ADGRE5: variants seen among roughly 807,000 people sequenced by gnomAD.
ADGRE5 encodes the protein adhesion G protein-coupled receptor E5.
ADGRE5 carries 72 observed loss-of-function variants against 100.3 expected under a neutral mutation model. The observed-to-expected ratio is 0.72, with a 90% CI of 0.59 to 0.87. The LOEUF (loss-of-function observed/expected upper bound fraction) is 0.87. Among genes scored for constraint, ADGRE5 ranks in the 40% least tolerant of loss-of-function variants. The pLI, the probability that ADGRE5 is intolerant of heterozygous loss-of-function variation, is 0.00. For synonymous variants in ADGRE5, 439 were observed against 447.8 expected, an observed-to-expected ratio of 0.98 and a Z score of 0.25; for missense variants, 959 against 1,094.7, an observed-to-expected ratio of 0.88 and a Z score of 1.75.
At chr19:14,388,658 T>G (rs1441670653) in intron 2 of ADGRE5, 44 bp from the exon 3 acceptor site, 2 of 1,608,700 alleles carry the variant, frequency 1.2e-6, no homozygotes, top group East Asian at 4.5e-5. Flanking sequence ...TTTTTGTGTA[T>G]TCCCTTACCC....
In ADGRE5 at chr19:14,397,896, T is replaced by G; in HGVS notation, c.780T>G (p.Thr260=). 1 of 1,143,410 alleles carries G rather than the reference T, an allele frequency of 8.7e-7. No homozygotes were observed. The highest frequency in any genetic ancestry group is 1.2e-6 in the Non-Finnish European group (1 of 825,832). The allele number at this position is 1,143,410 out of a possible 1,614,324, so 70.8% of individuals were successfully genotyped here. A position where few individuals can be genotyped will look rare whatever the true frequency, so the allele number is the denominator to read the frequency against. Residue 260 remains threonine, a synonymous_variant, in exon 8 of 20, where the codon ACT becomes ACG. Coordinates refer to ENST00000242786, the MANE Select transcript of ADGRE5 (RefSeq NM_078481.4). ...TTGTCTTGTTCCCTACAGATATGAC[T>G]TTCTCCACCTGGACCCCGCCCCCTG... ...NQKDTVCEDM[T]FSTWTPPPGV... is the part of the protein sequence containing the mutation.
chr19:14,407,268 C>CCCA, intron 18 of ADGRE5, 39 bp downstream of exon 18: 2 of 1,610,168 alleles, frequency 1.2e-6, no homozygotes. Flanking sequence ...CTGTCATCCT[C>CCCA]CCACCTATTT....
intron 17 of ADGRE5, 29 bp from the exon 18 acceptor site, chr19:14,407,032 G>C (rs1305583107): frequency 1.9e-6 from 3 of 1,613,806 alleles, no homozygotes; most frequent in Non-Finnish European, 2.5e-6. Flanking sequence ...GTGAGGTGGG[G>C]GCCCACGCTG....
At chr19:14,389,216 A>G (rs1599613302) in intron 3 of ADGRE5, among the ~76,000 whole-genome samples, 1 of 25,454 alleles carries the variant, frequency 3.9e-5, no homozygotes, top group East Asian at 1.0e-3. Context: ...AGGGGGAGGG[A>G]GAAGGGGAGG....
rs1975150254 is a variant in ADGRE5 at position 14,381,461 on chromosome 19, G to A, written c.-63G>A. 1.2e-6 allele frequency: 2 copies of A among 1,602,940 alleles called. No homozygotes were observed. The highest frequency in any genetic ancestry group is 1.4e-5 in the African/African-American group (1 of 73,304). ...CAGCCTGCACAGCTGCCTAGCCTGT[G>A]GAGACGGGACAGCCCTGTCCCACTC... On this transcript the variant is annotated 5_prime_UTR_variant, in exon 1 of 20. Coordinates refer to ENST00000242786, the MANE Select transcript of ADGRE5 (RefSeq NM_078481.4).
intron 1 of ADGRE5, among the ~76,000 whole-genome samples, chr19:14,383,789 G>A (rs1975241688): frequency 6.6e-6 from 1 of 151,954 alleles, no homozygotes; most frequent in African/African-American, 2.4e-5. Context: ...TAGCCTCACG[G>A]TGGGAGTAGA....
Position 14,408,144 on chromosome 19 carries a change from C to T in ADGRE5, c.*23C>T, listed in dbSNP as rs761796125. 12 of 1,611,854 alleles carry T rather than the reference C, an allele frequency of 7.4e-6. No individual in the cohort carries two copies. The East Asian group carries it at 2.5e-4, about 33-fold the overall frequency. On this transcript the variant is annotated 3_prime_UTR_variant, in exon 20 of 20. Transcript: ENST00000242786. The stretch of plus-strand genomic sequence containing the variant: ...TGAAGGCGCATGGTTCTGGACGGCC[C>T]AGCAGCTCCTGTGGCCACAGCAGCT...
At position 14,406,692 on chromosome 19, in the gene ADGRE5, C is replaced by A. The variant is rs532725050; in HGVS notation, c.2049-8C>A. The A allele has an allele frequency of 5.0e-6, 8 of 1,613,962 alleles. No homozygotes were observed. The highest frequency in any genetic ancestry group is 6.8e-6 in the Non-Finnish European group (8 of 1,179,984). ...GGGCACTGATGGGACCCCTCCCTTC[C>A]CTCCTAGCTGCTGGTTGGACTTTGA... On this transcript the variant is annotated splice_polypyrimidine_tract_variant and splice_region_variant and intron_variant, in intron 15 of 19. Coordinates refer to ENST00000242786, the MANE Select transcript of ADGRE5 (RefSeq NM_078481.4). The surrounding 1 kb of genome is among the most constrained non-coding windows in gnomAD (Gnocchi z 6.0).
chr19:14,398,371 TAAG>T (rs1975866289), intron 9 of ADGRE5: 2 of 550,290 alleles, frequency 3.6e-6, no homozygotes, highest in Non-Finnish European at 6.5e-6. Context: ...GTGCAGCACT[TAAG>T]AACCTGGAGT....
intron 1 of ADGRE5, among the ~76,000 whole-genome samples, chr19:14,385,512 C>T (rs1019103829): frequency 2.6e-5 from 4 of 152,166 alleles, no homozygotes; most frequent in African/African-American, 4.8e-5. Context: ...CCCTGGTGAC[C>T]TGAGGAGGGT....
At chr19:14,398,261 A>C in intron 9 of ADGRE5, 122 bp downstream of exon 9, 1 of 805,582 alleles carries the variant, frequency 1.2e-6, no homozygotes, top group Non-Finnish European at 2.1e-6. Context: ...ACATGCGCAT[A>C]ACATACACAC....
intron 3 of ADGRE5, among the ~76,000 whole-genome samples, chr19:14,389,498 C>T (rs185359507): frequency 2.7e-5 from 4 of 150,080 alleles, no homozygotes; most frequent in South Asian, 2.1e-4. Flanking sequence ...TTCAGGAGGC[C>T]GAGGTGGACA....
At chr19:14,407,280 G>A (rs1224164549) in intron 18 of ADGRE5, 51 bp downstream of exon 18, 1 of 1,597,034 alleles carries the variant, frequency 6.3e-7, no homozygotes, top group Non-Finnish European at 8.6e-7. Context: ...CACCTATTTG[G>A]GAGGCTGAGG....
At chr19:14,407,445 T>C (rs1976309572) in intron 18 of ADGRE5, among the ~76,000 whole-genome samples, 1 of 152,046 alleles carries the variant, frequency 6.6e-6, no homozygotes, top group African/African-American at 2.4e-5. Context: ...AGGTCAGTAA[T>C]TCAAGACCAG....
intron 4 of ADGRE5, among the ~76,000 whole-genome samples, chr19:14,393,989 C>G (rs1392226886): frequency 3.3e-5 from 5 of 152,184 alleles, no homozygotes; most frequent in African/African-American, 1.2e-4. Flanking sequence ...GAGCAACCTG[C>G]ACAGCTGTAC....
intron 1 of ADGRE5, among the ~76,000 whole-genome samples, chr19:14,386,763 C>G (rs1272686828): frequency 6.7e-6 from 1 of 149,906 alleles, no homozygotes; most frequent in Non-Finnish European, 1.5e-5. Flanking sequence ...CCTGTAATCC[C>G]AGCACTTTTG....
chr19:14,403,019 T>G (rs1176284327), intron 12 of ADGRE5, among the ~76,000 whole-genome samples, 157 bp downstream of exon 12: 2 of 152,114 alleles, frequency 1.3e-5, no homozygotes, highest in Non-Finnish European at 2.9e-5. Context: ...ATTTATTTCC[T>G]TACTTTATTT....
chr19:14,406,677 G>A lies in ADGRE5; in HGVS notation c.2049-23G>A, dbSNP rs763179689. The stretch of plus-strand genomic sequence containing the variant: ...GCTCCTGGCTTCCTGGGGCACTGAT[G>A]GGACCCCTCCCTTCCCTCCTAGCTG... On this transcript the variant is annotated intron_variant, in intron 15 of 19. Coordinates refer to ENST00000242786, the MANE Select transcript of ADGRE5 (RefSeq NM_078481.4). The surrounding 1 kb of genome is among the most constrained non-coding windows in gnomAD (Gnocchi z 6.0). 1 of 1,613,552 alleles carries A rather than the reference G, an allele frequency of 6.2e-7. No individual in the cohort carries two copies.
rs535822037 is a variant in ADGRE5 at position 14,402,946 on chromosome 19, G to A, written c.1449+84G>A. On this transcript the variant is annotated intron_variant, in intron 12 of 19. Coordinates refer to ENST00000242786, the MANE Select transcript of ADGRE5 (RefSeq NM_078481.4). ...GCCTCTCTCTGGGATGCTCTTTCCC[G>A]ACGTGACTCAGTCTTTTATGTTTCT... is the stretch of plus-strand genomic sequence containing the variant. The A allele has an allele frequency of 5.1e-6, 7 of 1,362,264 alleles. No individual in the cohort carries two copies. The East Asian group carries it at 1.2e-4, about 22-fold the overall frequency. 84.4% of individuals were successfully genotyped at this position (1,362,264 alleles called of 1,614,324 possible).
Sources: allele counts gnomAD v4.1 joint callset (sites outside exome capture counted in the v4.1 genomes callset), GRCh38; gene constraint gnomAD v4.1.1; non-coding constraint Gnocchi (gnomAD v3.1); transcripts MANE v1.5; gene names NCBI Gene and HGNC (gene_info 2026-07-23, HGNC 2026-07-21).